The following CACNA2D1 variants were observed in gnomAD, a reference collection of about 807,000 sequenced individuals.
The protein encoded by CACNA2D1 is voltage-dependent calcium channel subunit alpha-2/delta-1.
In CACNA2D1, 53 loss-of-function variants were observed where a neutral mutation model predicts 171.5. The observed-to-expected ratio is 0.31, with a 90% CI of 0.25 to 0.39. The LOEUF is 0.39. CACNA2D1 is among the 10% of genes least tolerant of loss of function. CACNA2D1 has a pLI of 1.00. For missense variants in CACNA2D1, 903 were observed against 1,299.8 expected (o/e 0.69, Z 4.69); for synonymous variants, 442 against 443.1 (o/e 1.00, Z 0.03).
chr7:82,031,768 G>A (rs567185698), intron 12 of CACNA2D1, among the ~76,000 whole-genome samples: 25 of 151,672 alleles, frequency 1.6e-4, no homozygotes, highest in Admixed American at 3.9e-4. Flanking sequence ...TTTTTGTCTC[G>A]CTTTTCAACA....
intron 1 of CACNA2D1, among the ~76,000 whole-genome samples, chr7:82,398,184 T>C (rs1825945198): frequency 6.6e-6 from 1 of 152,184 alleles, no homozygotes; most frequent in Admixed American, 6.5e-5. Context: ...GCCCCAGTCC[T>C]AACATTTAGG....
chr7:81,964,892 CTTT>C (rs111383047), intron 32 of CACNA2D1, among the ~76,000 whole-genome samples: 1 of 151,514 alleles, frequency 6.6e-6, no homozygotes, highest in Admixed American at 6.6e-5. Context: ...CAAATCAAAG[CTTT>C]TTTTTGTACA....
intron 24 of CACNA2D1, among the ~76,000 whole-genome samples, 185 bp downstream of exon 24, chr7:81,982,382 C>T: frequency 6.6e-6 from 1 of 152,132 alleles, no homozygotes; most frequent in East Asian, 1.9e-4. Context: ...CAGCTTCGGC[C>T]TCTCGTATTT....
At position 82,061,427 on chromosome 7, in the gene CACNA2D1, A is replaced by G. The variant is rs77033337; in HGVS notation, c.780-900T>C. On this transcript the variant is annotated intron_variant, in intron 9 of 38. Coordinates refer to ENST00000356860, the MANE Select transcript of CACNA2D1 (RefSeq NM_000722.4). ...GTAATAGCCAGTCAACCCAGCAATT[A>G]GTCTCCTTCACATGCTAACAGGTGA... Among the ~76,000 whole-genome samples the G allele has an allele frequency of 7.7e-3, 1,177 of 152,294 alleles. 11 individuals carry two copies. Among genetic ancestry groups the G allele is most frequent in the Non-Finnish European group, 0.013 (880 of 68,018 alleles).
At chr7:81,997,323 G>T in intron 18 of CACNA2D1, 73 bp from the exon 19 acceptor site, 1 of 993,582 alleles carries the variant, frequency 1.0e-6, no homozygotes, top group Non-Finnish European at 1.6e-6. Flanking sequence ...CAATTTAACG[G>T]GTATTTATGA....
chr7:82,230,994 T>C lies in CACNA2D1; in HGVS notation c.295-60385A>G, dbSNP rs991114645. On this transcript the variant is annotated intron_variant, in intron 3 of 38. Coordinates refer to ENST00000356860, the MANE Select transcript of CACNA2D1 (RefSeq NM_000722.4). ...CTGATACATGAAGGGTTTGGCTCAA[T>C]GTTTGTGGAATAAATGAATCCTCAA... Among the ~76,000 whole-genome samples, 25 of 152,230 alleles carry C rather than the reference T, an allele frequency of 1.6e-4. 1 individual carries two copies. The highest frequency in any genetic ancestry group is 1.5e-3 in the Admixed American group (23 of 15,282).
intron 7 of CACNA2D1, among the ~76,000 whole-genome samples, chr7:82,078,605 A>G (rs976224420): frequency 6.6e-6 from 1 of 152,198 alleles, no homozygotes; most frequent in African/African-American, 2.4e-5. Flanking sequence ...AATCATATCT[A>G]TGTCATGAGC....
At chr7:82,262,201 G>T (rs1273840703) in intron 3 of CACNA2D1, among the ~76,000 whole-genome samples, 1 of 152,122 alleles carries the variant, frequency 6.6e-6, no homozygotes, top group Non-Finnish European at 1.5e-5. Flanking sequence ...CGTGGTGGCA[G>T]GCACCTGTAG....
intron 6 of CACNA2D1, 44 bp downstream of exon 6, chr7:82,117,000 C>T (rs147715907): frequency 1.4e-5 from 23 of 1,607,212 alleles, no homozygotes; most frequent in Admixed American, 1.0e-4. Flanking sequence ...ATAAGACAGG[C>T]GAGAGCATGG....
intron 1 of CACNA2D1, chr7:82,410,368 C>T (rs1391306661): frequency 1.2e-5 from 3 of 253,334 alleles, no homozygotes; most frequent in Non-Finnish European, 6.2e-6. Context: ...TCCATCATAG[C>T]GGTTTACCTA....
At chr7:82,365,209 A>G (rs1301905259) in intron 1 of CACNA2D1, among the ~76,000 whole-genome samples, 1 of 152,190 alleles carries the variant, frequency 6.6e-6, no homozygotes, top group Non-Finnish European at 1.5e-5. Flanking sequence ...CTTAAAAATG[A>G]AAATTTACTT....
At chr7:82,354,809 G>A (rs1408598856) in intron 1 of CACNA2D1, among the ~76,000 whole-genome samples, 1 of 152,120 alleles carries the variant, frequency 6.6e-6, no homozygotes, top group African/African-American at 2.4e-5. Context: ...TCAGATGAAT[G>A]TGGGGCAGAT....
intron 19 of CACNA2D1, 119 bp downstream of exon 19, chr7:81,997,060 G>A (rs973467979): frequency 1.3e-6 from 1 of 748,176 alleles, no homozygotes; most frequent in East Asian, 2.5e-5. Context: ...ATTCATCTTT[G>A]TGTATACAGT....
intron 4 of CACNA2D1, among the ~76,000 whole-genome samples, chr7:82,149,796 A>AAAAAAAAAAAAAGAAAAG (rs1793595825): frequency 2.2e-5 from 3 of 136,772 alleles, no homozygotes; most frequent in Non-Finnish European, 4.8e-5. Flanking sequence ...ACAAACAACA[A>AAAAAAAAAAAAAGAAAAG]AAAAAAAAAC....
intron 16 of CACNA2D1, among the ~76,000 whole-genome samples, chr7:82,006,460 G>A (rs1294720029): frequency 6.6e-6 from 1 of 151,910 alleles, no homozygotes; most frequent in Admixed American, 6.6e-5. Context: ...AATCTTCTAT[G>A]GGACATAAAG....
intron 5 of CACNA2D1, among the ~76,000 whole-genome samples, chr7:82,135,495 A>G (rs1791502258): frequency 1.3e-5 from 2 of 152,110 alleles, no homozygotes; most frequent in South Asian, 4.1e-4. Flanking sequence ...ACTTTTTAAA[A>G]CACTCTTAGC....
rs557857174 is a variant in CACNA2D1 at position 82,186,204 on chromosome 7, G to A, written c.295-15595C>T. Among the ~76,000 whole-genome samples the A allele has an allele frequency of 4.0e-4, 45 of 113,808 alleles. 1 individual carries two copies. In the East Asian group the frequency reaches 0.012, roughly 32 times the overall value. 74.7% of individuals were successfully genotyped at this position (113,808 alleles called of 152,430 possible). On this transcript the variant is annotated intron_variant, in intron 3 of 38. Coordinates refer to ENST00000356860, the MANE Select transcript of CACNA2D1 (RefSeq NM_000722.4). ...GGAAGGAAGGAAGGGAGGGAGGGAG[G>A]GAGGGAGGGAGGGAAAGAGAGAGAG...
At chr7:82,252,818 A>G (rs1483326763) in intron 3 of CACNA2D1, among the ~76,000 whole-genome samples, 2 of 151,654 alleles carry the variant, frequency 1.3e-5, no homozygotes, top group African/African-American at 4.8e-5. Flanking sequence ...TGAACCCGGG[A>G]GGCAGAGGTT....
At chr7:81,999,395 T>C (rs1798364503) in intron 18 of CACNA2D1, among the ~76,000 whole-genome samples, 1 of 152,210 alleles carries the variant, frequency 6.6e-6, no homozygotes, top group African/African-American at 2.4e-5. Flanking sequence ...TTTTGTCTGA[T>C]ATTAAAATAC....
Sources: gnomAD v4.1 joint callset for allele counts (sites outside exome capture counted in the v4.1 genomes callset) on GRCh38, gnomAD v4.1.1 for gene constraint, MANE v1.5 for transcripts, NCBI Gene and HGNC (gene_info 2026-07-23, HGNC 2026-07-21) for gene names.